TPM3: variants seen among roughly 807,000 people sequenced by gnomAD.
The protein encoded by TPM3 is tropomyosin alpha-3 chain.
A neutral mutation model predicts 43.1 loss-of-function variants in TPM3; 16 were observed. The ratio of observed to expected loss-of-function variants is 0.37; its 90% CI spans 0.25 to 0.56. The LOEUF (loss-of-function observed/expected upper bound fraction) is 0.56. Among genes scored for constraint, TPM3 ranks in the 20% least tolerant of loss-of-function variants. The pLI is 0.77. For missense variants in TPM3, 176 were observed against 337.2 expected, an observed-to-expected ratio of 0.52 and a Z score of 3.74; for synonymous variants, 101 against 116.9, an observed-to-expected ratio of 0.86 and a Z score of 0.88.
chr1:154,171,986 C>T (rs750159497), intron 5 of TPM3: 1 of 1,608,388 alleles, frequency 6.2e-7, no homozygotes, highest in Non-Finnish European at 8.5e-7. Flanking sequence ...AAAACAAAAC[C>T]ACACCACATA....
In TPM3 at chr1:154,182,951, G is replaced by C. The variant is rs772515113; in HGVS notation, c.244-6703C>G. 72 of 1,609,122 alleles carry C rather than the reference G, an allele frequency of 4.5e-5. 1 individual carries two copies. In the South Asian group the frequency reaches 7.8e-4, roughly 17 times the overall value. ...TATTCCGCTTGCCGGATACTCCAGC[G>C]CCTGCCCCTCCCTCATGAGCCTCAC... On this transcript the variant is annotated intron_variant, in intron 2 of 9. Coordinates refer to ENST00000651641, the MANE Select transcript of TPM3 (RefSeq NM_152263.4).
rs749792884 is a variant in TPM3, at chr1:154,173,077, C to T, written c.495+7G>A. The stretch of plus-strand genomic sequence containing the variant: ...GATACGAGAGGGACTAACAGAAGGT[C>T]ACTTACCTCTTCATACTTCCTATCT... On this transcript the variant is annotated splice_region_variant and intron_variant, in intron 4 of 9. Coordinates refer to ENST00000651641, the MANE Select transcript of TPM3 (RefSeq NM_152263.4). 6.2e-7 allele frequency: 1 copy of T among 1,614,142 alleles called. No homozygotes were observed. The highest frequency in any genetic ancestry group is 8.5e-7 in the Non-Finnish European group (1 of 1,179,962).
In TPM3 at chr1:154,167,824, A is replaced by G; in HGVS notation, c.*113T>C. On this transcript the variant is annotated 3_prime_UTR_variant, in exon 10 of 10. Transcript: ENST00000651641. ...AGTTGCTTTTTGCTCCCCCATCCTA[A>G]TGCCTTGGGGACCAGCCAGGCTGAC... The G allele has an allele frequency of 1.9e-6, 3 of 1,608,382 alleles. No homozygotes were observed. Among genetic ancestry groups the G allele is most frequent in the East Asian group, 2.2e-5 (1 of 44,758 alleles).
intron 2 of TPM3, among the ~76,000 whole-genome samples, 171 bp from the exon 3 acceptor site, chr1:154,176,419 A>G (rs1041659399): frequency 4.1e-4 from 62 of 151,998 alleles, no homozygotes; most frequent in Middle Eastern, 3.4e-3. Context: ...TTATATATAT[A>G]TATTTCCTCC....
intron 2 of TPM3, chr1:154,178,081 G>A: frequency 1.1e-6 from 1 of 951,624 alleles, no homozygotes; most frequent in Non-Finnish European, 1.3e-6. Flanking sequence ...TATCAGGCAA[G>A]ACCTAGGAGA....
At chr1:154,185,602 C>T (rs771310971) in intron 2 of TPM3, among the ~76,000 whole-genome samples, 2 of 143,844 alleles carry the variant, frequency 1.4e-5, no homozygotes, top group African/African-American at 2.6e-5. Context: ...CCCAGCCACT[C>T]GGGAGGCTGA....
chr1:154,157,261 G>T (rs975856551), downstream of TPM3: 1 of 410,390 alleles, frequency 2.4e-6, no homozygotes, highest in African/African-American at 2.0e-5. Flanking sequence ...CCTTCCAAAA[G>T]TGAGAAAGGG....
rs1263565774 is a variant in TPM3, at chr1:154,171,876, T to C, written c.567-388A>G. On this transcript the variant is annotated intron_variant, in intron 5 of 9. Coordinates refer to ENST00000651641, the MANE Select transcript of TPM3 (RefSeq NM_152263.4). ...CAACTAGGAAAGAAGAGATGAAAGA[T>C]GCCAAGTAAGTGGAAAAGAATGGAG... The C allele has an allele frequency of 5.6e-5, 48 of 858,896 alleles. 4 individuals are homozygous for C. The South Asian group carries it at 6.2e-4, about 11-fold the overall frequency. 53.2% of individuals were successfully genotyped at this position (858,896 alleles called of 1,614,324 possible). A position where few individuals can be genotyped will look rare whatever the true frequency, so the allele number is the denominator to read the frequency against.
chr1:154,167,910 T>G lies in TPM3; in HGVS notation c.*27A>C. ...TTCCCCGAGGAGTAAAGGGGGCAGA[T>G]CCAGAACAGAGCAGAAACGGTGATA... On this transcript the variant is annotated 3_prime_UTR_variant, in exon 10 of 10. Coordinates refer to ENST00000651641, the MANE Select transcript of TPM3 (RefSeq NM_152263.4). 1 of 1,613,506 alleles carries G rather than the reference T, an allele frequency of 6.2e-7. No individual in the cohort carries two copies. The highest frequency in any genetic ancestry group is 8.5e-7 in the Non-Finnish European group (1 of 1,179,878).
Position 154,166,841 on chromosome 1 carries a change from C to A in TPM3, c.*1096G>T, listed in dbSNP as rs1230951338. 1 of 292,946 alleles carries A rather than the reference C, an allele frequency of 3.4e-6. No individual in the cohort carries two copies. The highest frequency in any genetic ancestry group is 5.1e-6 in the Non-Finnish European group (1 of 196,770). 18.1% of individuals were successfully genotyped at this position (292,946 alleles called of 1,614,324 possible). A position where few individuals can be genotyped will look rare whatever the true frequency, so the allele number is the denominator to read the frequency against. On this transcript the variant is annotated 3_prime_UTR_variant, in exon 10 of 10. Coordinates refer to ENST00000651641, the MANE Select transcript of TPM3 (RefSeq NM_152263.4). Reference sequence around the variant, plus strand: ...GGATTACAGGCACCCACCCACCATGCCCAGCTAATTTTTGTATTTTTAGTA... The same window carrying A: ...GGATTACAGGCACCCACCCACCATGACCAGCTAATTTTTGTATTTTTAGTA...
chr1:154,183,107 T>C, intron 2 of TPM3: 1 of 1,598,978 alleles, frequency 6.3e-7, no homozygotes, highest in South Asian at 1.1e-5. Flanking sequence ...TCGATGGTGG[T>C]GATCCCAGCC....
At chr1:154,182,946 C>G in intron 2 of TPM3, 2 of 1,609,424 alleles carry the variant, frequency 1.2e-6, no homozygotes, top group Non-Finnish European at 1.7e-6. Context: ...GCCGGATACT[C>G]CAGCGCCTGC....
rs1166360682 is a variant in TPM3 at position 154,188,402 on chromosome 1, G to A, written c.243+2784C>T. On this transcript the variant is annotated intron_variant, in intron 2 of 9. Transcript: ENST00000651641. ...ATAGTTTGTGGCGGCCTGGCCGGGC[G>A]CGGTGGCTCACACCTGTAATCCCAG... Among the ~76,000 whole-genome samples the A allele has an allele frequency of 5.3e-5, 8 of 151,730 alleles. No individual in the cohort carries two copies. In the East Asian group the frequency reaches 7.7e-4, roughly 15 times the overall value.
chr1:154,190,645 A>C (rs1205457106), intron 2 of TPM3, among the ~76,000 whole-genome samples: 1 of 152,198 alleles, frequency 6.6e-6, no homozygotes, highest in Non-Finnish European at 1.5e-5. Flanking sequence ...GCAATGCTTC[A>C]TATGGCATCT....
At chr1:154,172,633 A>C (rs78833491) in intron 5 of TPM3, 1 of 495,424 alleles carries the variant, frequency 2.0e-6, no homozygotes, top group East Asian at 4.1e-5. Context: ...AGGATCTTCC[A>C]ATTAACTGTT....
intron 6 of TPM3, 69 bp downstream of exon 6, chr1:154,171,344 C>T: frequency 6.5e-7 from 1 of 1,534,460 alleles, no homozygotes; most frequent in Non-Finnish European, 9.0e-7. Context: ...TGCGTGTCTC[C>T]AGTCTTTCAT....
rs1661008383 is a variant in TPM3, at chr1:154,166,673, A to C, written c.*1264T>G. ...CTATTAAGAAATCTCTGCTGTGTAA[A>C]TTGGAATGCGAATTCCTTTTTTTTT... On this transcript the variant is annotated 3_prime_UTR_variant, in exon 10 of 10. Coordinates refer to ENST00000651641, the MANE Select transcript of TPM3 (RefSeq NM_152263.4). 1 of 1,021,292 alleles carries C rather than the reference A, an allele frequency of 9.8e-7. No homozygotes were observed. The highest frequency in any genetic ancestry group is 1.2e-6 in the Non-Finnish European group (1 of 853,736). 63.3% of individuals were successfully genotyped at this position (1,021,292 alleles called of 1,614,324 possible). A position where few individuals can be genotyped will look rare whatever the true frequency, so the allele number is the denominator to read the frequency against.
At chr1:154,179,442 C>T (rs1662700192) in intron 2 of TPM3, among the ~76,000 whole-genome samples, 3 of 152,204 alleles carry the variant, frequency 2.0e-5, no homozygotes, top group African/African-American at 7.2e-5. Context: ...AACAGTCAAG[C>T]ATTCTAACCT....
At chr1:154,186,267 CA>C (rs1445590416) in intron 2 of TPM3, among the ~76,000 whole-genome samples, 1 of 151,514 alleles carries the variant, frequency 6.6e-6, no homozygotes, top group African/African-American at 2.5e-5. Context: ...TGCTGCTCAG[CA>C]GGGGGCACTA....
Sources: allele counts gnomAD v4.1 joint callset (sites outside exome capture counted in the v4.1 genomes callset), GRCh38; gene constraint gnomAD v4.1.1; transcripts MANE v1.5; gene names NCBI Gene and HGNC (gene_info 2026-07-23, HGNC 2026-07-21).